CCM2: variants seen among roughly 807,000 people sequenced by gnomAD.
The protein encoded by CCM2 is cerebral cavernous malformations 2 protein.
CCM2 carries 25 observed loss-of-function variants against 44.9 expected under a neutral mutation model. That is an observed-to-expected ratio of 0.56 (90% CI 0.41 to 0.78). The LOEUF (loss-of-function observed/expected upper bound fraction) is 0.78, where lower values mean the gene tolerates loss of function less well. Ranked by LOEUF, CCM2 falls within the 30% of genes least tolerant of loss-of-function variation. The pLI is 0.00. For synonymous variants in CCM2, 219 were observed against 241.1 expected (o/e 0.91, Z 0.85); for missense variants, 481 against 580.6 (o/e 0.83, Z 1.76).
At chr7:45,074,207 G>A in intron 8 of CCM2, 63 bp from the exon 9 acceptor site, 1 of 1,609,838 alleles carries the variant, frequency 6.2e-7, no homozygotes, top group Non-Finnish European at 8.5e-7. Context: ...GTGGCAAGGT[G>A]GGCCCGACTG....
At chr7:45,064,257 G>A (rs1211377719) in intron 3 of CCM2, among the ~76,000 whole-genome samples, 1 of 152,238 alleles carries the variant, frequency 6.6e-6, no homozygotes, top group Non-Finnish European at 1.5e-5. Context: ...GTCTGAATCT[G>A]AAGGCAGTTC....
At position 45,018,105 on chromosome 7, in the gene CCM2, C is replaced by T. The variant is rs187905309; in HGVS notation, c.30+17742C>T. On this transcript the variant is annotated intron_variant, in intron 1 of 9. Transcript: ENST00000258781. ...CAGGCATTAGATTCTCTAAGGAGTG[C>T]GTAACCTAGATCCCTCCAACACACA... is the stretch of plus-strand genomic sequence containing the variant. Among the ~76,000 whole-genome samples, 248 of 152,196 alleles carry T rather than the reference C, an allele frequency of 1.6e-3. 1 individual carries two copies. Among genetic ancestry groups the T allele is most frequent in the Non-Finnish European group, 2.5e-3 (173 of 68,002 alleles).
At chr7:45,016,455 G>C (rs1363425201) in intron 1 of CCM2, among the ~76,000 whole-genome samples, 1 of 139,954 alleles carries the variant, frequency 7.1e-6, no homozygotes, top group African/African-American at 2.7e-5. Flanking sequence ...TCAGCCTCCT[G>C]AGTAGCTGGG....
intron 1 of CCM2, among the ~76,000 whole-genome samples, chr7:45,020,299 G>A (rs942615638): frequency 2.6e-5 from 4 of 151,984 alleles, no homozygotes; most frequent in Admixed American, 6.6e-5. Flanking sequence ...TCATAATCTC[G>A]GTCTGTGAGA....
At chr7:45,065,098 T>A (rs992281001) in intron 4 of CCM2, among the ~76,000 whole-genome samples, 1 of 151,916 alleles carries the variant, frequency 6.6e-6, no homozygotes, top group Non-Finnish European at 1.5e-5. Context: ...GAGCTCTTGG[T>A]CATAGAGGTT....
At chr7:45,019,233 G>A (rs966606831) in intron 1 of CCM2, among the ~76,000 whole-genome samples, 7 of 151,728 alleles carry the variant, frequency 4.6e-5, no homozygotes, top group East Asian at 1.9e-4. Context: ...CACTGTGCCC[G>A]GCTAATGAAA....
chr7:45,054,511 T>C (rs918399293), intron 2 of CCM2, among the ~76,000 whole-genome samples: 4 of 151,814 alleles, frequency 2.6e-5, no homozygotes, highest in Admixed American at 1.3e-4. Flanking sequence ...TTATATCTTG[T>C]CAGAAGTTGT....
At chr7:45,072,819 A>C (rs767668308) in intron 7 of CCM2, 36 bp downstream of exon 7, 25 of 1,560,356 alleles carry the variant, frequency 1.6e-5, no homozygotes, top group Non-Finnish European at 2.2e-5. Context: ...GCGGTGGGAC[A>C]CGCACCAAAT....
In CCM2 at chr7:45,074,091, C is replaced by T. The variant is rs186179154; in HGVS notation, c.916-179C>T. ...TGCCTTGGTCTCCTCTGGGTGGCCC[C>T]GTGCCAGGTCTGGTAGGATGGGGAC... On this transcript the variant is annotated intron_variant, in intron 8 of 9. Coordinates refer to ENST00000258781, the MANE Select transcript of CCM2 (RefSeq NM_031443.4). The T allele has an allele frequency of 5.7e-4, 795 of 1,403,022 alleles. 2 individuals are homozygous for T. The highest frequency in any genetic ancestry group is 6.7e-4 in the Non-Finnish European group (698 of 1,049,618). 86.9% of individuals were successfully genotyped at this position (1,403,022 alleles called of 1,614,324 possible). A position where few individuals can be genotyped will look rare whatever the true frequency, so the allele number is the denominator to read the frequency against.
chr7:45,004,044 G>C (rs1795749514), intron 1 of CCM2, among the ~76,000 whole-genome samples: 1 of 152,130 alleles, frequency 6.6e-6, no homozygotes, highest in South Asian at 2.1e-4. Context: ...GCTGAGCATG[G>C]TGGTGCATGC....
At chr7:45,001,632 A>G (rs551027471) in intron 1 of CCM2, among the ~76,000 whole-genome samples, 1 of 152,290 alleles carries the variant, frequency 6.6e-6, no homozygotes, top group African/African-American at 2.4e-5. Flanking sequence ...TGATGACCTC[A>G]TTGTGCACCG....
chr7:45,014,056 T>A (rs1057402968), intron 1 of CCM2, among the ~76,000 whole-genome samples: 1 of 152,196 alleles, frequency 6.6e-6, no homozygotes, highest in African/African-American at 2.4e-5. Flanking sequence ...TTATTTATTT[T>A]GAAGCTCAAA....
intron 2 of CCM2, among the ~76,000 whole-genome samples, chr7:45,051,522 C>T (rs1395173396): frequency 4.6e-5 from 7 of 152,060 alleles, no homozygotes; most frequent in African/African-American, 1.7e-4. Flanking sequence ...CTCAGCCTCC[C>T]TAGTAGCCGG....
At chr7:45,024,364 A>C (rs557395755) in intron 1 of CCM2, among the ~76,000 whole-genome samples, 13 of 152,338 alleles carry the variant, frequency 8.5e-5, no homozygotes, top group African/African-American at 2.9e-4. Flanking sequence ...CCCAAGAAAC[A>C]TGTTTTTATC....
intron 9 of CCM2, 70 bp downstream of exon 9, chr7:45,074,478 G>T: frequency 1.5e-6 from 2 of 1,313,548 alleles, no homozygotes; most frequent in Admixed American, 3.7e-5. Context: ...TCCTGGGAAT[G>T]TGCACACGGA....
intron 1 of CCM2, among the ~76,000 whole-genome samples, chr7:45,010,458 CTG>C (rs1443672818): frequency 7.2e-5 from 11 of 152,174 alleles, no homozygotes; most frequent in Non-Finnish European, 1.5e-5. Context: ...GCAGGGATCA[CTG>C]TACTCAGCAT....
At chr7:45,015,332 A>G (rs1796222244) in intron 1 of CCM2, among the ~76,000 whole-genome samples, 2 of 152,186 alleles carry the variant, frequency 1.3e-5, no homozygotes, top group African/African-American at 4.8e-5. Flanking sequence ...CAGTCTCCCC[A>G]TAGGTTAACA....
intron 1 of CCM2, among the ~76,000 whole-genome samples, chr7:45,019,059 CTTTT>C (rs34045609): frequency 8.6e-5 from 8 of 93,302 alleles, no homozygotes; most frequent in Admixed American, 1.3e-4. Context: ...TGCGCCTGGC[CTTTT>C]TTTTTTTTTT....
intron 2 of CCM2, among the ~76,000 whole-genome samples, chr7:45,051,458 C>G (rs1189509625): frequency 6.6e-6 from 1 of 152,128 alleles, no homozygotes; most frequent in African/African-American, 2.4e-5. Flanking sequence ...AGTGCAGTGG[C>G]GTGGTCTTGG....
Sources: allele counts gnomAD v4.1 joint callset (sites outside exome capture counted in the v4.1 genomes callset), GRCh38; gene constraint gnomAD v4.1.1; transcripts MANE v1.5; gene names NCBI Gene and HGNC (gene_info 2026-07-23, HGNC 2026-07-21).